KLHL36: variants seen among roughly 807,000 people sequenced by gnomAD.
KLHL36 encodes kelch like family member 36.
In KLHL36, 35 loss-of-function variants were observed where a neutral mutation model predicts 53.3. The ratio of observed to expected loss-of-function variants is 0.66; its 90% CI spans 0.50 to 0.87. The LOEUF (loss-of-function observed/expected upper bound fraction) is 0.87. KLHL36 is among the 40% of genes least tolerant of loss of function. KLHL36 has a pLI of 0.00. For synonymous variants in KLHL36, 472 were observed against 398.9 expected (o/e 1.18, Z -2.18); for missense variants, 864 against 897.6 (o/e 0.96, Z 0.48).
At position 84,661,685 on chromosome 16, in the gene KLHL36, A is replaced by G. The variant is rs746883993; in HGVS notation, c.1403A>G (p.His468Arg). ...PYRKNLLCYD[H>R]RTDVWEERRP... ...CGCAAGAACCTGCTATGCTACGACC[A>G]CCGGACAGACGTGTGGGAGGAGCGG... is the stretch of plus-strand genomic sequence containing the variant. The change falls in exon 5 of 5, where the codon CAC becomes CGC. Residue 468 changes from histidine (H) to arginine (R), a missense_variant. Physicochemically the swap from His to Arg is conservative, Grantham distance 29. Coordinates refer to ENST00000564996, the MANE Select transcript of KLHL36 (RefSeq NM_024731.4). This position sits in a 1 kb window ranked among gnomAD's most constrained non-coding sequence, Gnocchi z 7.9. 1 of 1,613,476 alleles carries G rather than the reference A, an allele frequency of 6.2e-7. No homozygotes were observed. Among genetic ancestry groups the G allele is most frequent in the African/African-American group, 1.3e-5 (1 of 74,972 alleles).
chr16:84,667,235 T>C lies in KLHL36; in HGVS notation c.*5102T>C, dbSNP rs1256980444. ...AGGTACTTAAAGCCATCTTTACAGA[T>C]TGCTTGTAATGTAAGGAAAGAGTCA... On this transcript the variant is annotated 3_prime_UTR_variant, in exon 5 of 5. Transcript: ENST00000564996. The C allele has an allele frequency of 2.0e-5, 3 of 152,098 alleles. No homozygotes were observed. Among genetic ancestry groups the C allele is most frequent in the Non-Finnish European group, 4.4e-5 (3 of 68,022 alleles). The allele number at this position is 152,098 out of a possible 1,614,324, so 9.4% of individuals were successfully genotyped here. A position where few individuals can be genotyped will look rare whatever the true frequency, so the allele number is the denominator to read the frequency against.
rs1906841635 is a variant in KLHL36 at position 84,650,992 on chromosome 16, T to C, written c.63+62T>C. ...CTAAGAAGTGTGATCCTTTTTCTGA[T>C]TCACTCATTTCTAATCACAGACTGA... On this transcript the variant is annotated intron_variant, in intron 2 of 4. Transcript: ENST00000564996. The C allele has an allele frequency of 3.0e-6, 4 of 1,330,494 alleles. No homozygotes were observed. In the South Asian group the frequency reaches 5.1e-5, roughly 17 times the overall value. 82.4% of individuals were successfully genotyped at this position (1,330,494 alleles called of 1,614,324 possible).
At chr16:84,659,422 G>A in intron 3 of KLHL36, 1 of 246,884 alleles carries the variant, frequency 4.1e-6, no homozygotes, top group Non-Finnish European at 7.9e-6. Flanking sequence ...ATTTCATAAA[G>A]CCACTAGATC....
rs746188442 is a variant in KLHL36, at chr16:84,661,965, C to T, written c.1683C>T (p.Phe561=). The T allele has an allele frequency of 9.4e-6, 15 of 1,599,590 alleles. No individual in the cohort carries two copies. Among genetic ancestry groups the T allele is most frequent in the Non-Finnish European group, 1.2e-5 (14 of 1,174,316 alleles). ...LGGYSWENTA[F]SKTVQVYDRE... The stretch of plus-strand genomic sequence containing the variant: ...GCTACAGCTGGGAGAACACTGCCTT[C>T]TCCAAGACCGTGCAGGTGTACGACC... Residue 561 remains phenylalanine, a synonymous_variant, in exon 5 of 5, where the codon TTC becomes TTT. Coordinates refer to ENST00000564996, the MANE Select transcript of KLHL36 (RefSeq NM_024731.4). The surrounding 1 kb of genome is among the most constrained non-coding windows in gnomAD (Gnocchi z 7.9).
chr16:84,655,064 G>C (rs1432836090), intron 2 of KLHL36, among the ~76,000 whole-genome samples: 1 of 152,196 alleles, frequency 6.6e-6, no homozygotes, highest in East Asian at 1.9e-4. Flanking sequence ...GATAAATAGA[G>C]ATCTCCACGT....
chr16:84,661,154 A>C lies in KLHL36; in HGVS notation c.1296-424A>C, dbSNP rs1907520750. Among the ~76,000 whole-genome samples the C allele has an allele frequency of 6.6e-6, 1 of 152,134 alleles. No homozygotes were observed. Among genetic ancestry groups the C allele is most frequent in the African/African-American group, 2.4e-5 (1 of 41,426 alleles). On this transcript the variant is annotated intron_variant, in intron 4 of 4. Coordinates refer to ENST00000564996, the MANE Select transcript of KLHL36 (RefSeq NM_024731.4). The surrounding 1 kb of genome is among the most constrained non-coding windows in gnomAD (Gnocchi z 7.9). ...TTTGCTGTCTCTATGGTTTTAGGCA[A>C]AACTTTTCCCGAGTGCCAGCACAGT...
At chr16:84,659,679 C>A in intron 3 of KLHL36, 81 bp from the exon 4 acceptor site, 1 of 1,407,166 alleles carries the variant, frequency 7.1e-7, no homozygotes. Flanking sequence ...ATTCCGCAGA[C>A]ACATTTGGGA....
Position 84,659,905 on chromosome 16 carries a change from C to T in KLHL36, c.1283C>T (p.Ala428Val). The T allele has an allele frequency of 6.2e-7, 1 of 1,606,130 alleles. No individual in the cohort carries two copies. The highest frequency in any genetic ancestry group is 1.1e-5 in the South Asian group (1 of 90,790). ...SPKTDSWSYV[A>V]GLPRFTYGHA... The stretch of plus-strand genomic sequence containing the variant: ...AAGACTGACTCCTGGTCCTATGTGG[C>T]CGGCTTGCCAAGGTGATCTGGGGCT... Residue 428 changes from alanine to valine, a missense_variant, in exon 4 of 5, where the codon GCC becomes GTC. By Grantham distance (64) the Ala-to-Val change is moderately conservative. Coordinates refer to ENST00000564996, the MANE Select transcript of KLHL36 (RefSeq NM_024731.4).
At chr16:84,659,109 C>G (rs886390320) in intron 3 of KLHL36, 1 of 152,254 alleles carries the variant, frequency 6.6e-6, no homozygotes, top group African/African-American at 2.4e-5. Flanking sequence ...TCAAACAATT[C>G]TGGCGCCTCA....
chr16:84,652,643 C>T (rs896900938), intron 2 of KLHL36, among the ~76,000 whole-genome samples: 1 of 152,148 alleles, frequency 6.6e-6, no homozygotes, highest in Non-Finnish European at 1.5e-5. Context: ...TTGCCAGCAC[C>T]CAGATGGGTA....
rs1906584319 is a variant in KLHL36, at chr16:84,648,531, C to T, written c.-135C>T. ...CCGCCCTCGGCCTCGCACTTCCTGG[C>T]GGAGCCATGGCTGCGCAGCGGGCTG... On this transcript the variant is annotated 5_prime_UTR_variant, in exon 1 of 5. Coordinates refer to ENST00000564996, the MANE Select transcript of KLHL36 (RefSeq NM_024731.4). The surrounding 1 kb of genome is among the most constrained non-coding windows in gnomAD (Gnocchi z 4.9). 8 of 147,562 alleles carry T rather than the reference C, an allele frequency of 5.4e-5. No individual in the cohort carries two copies. In the South Asian group the frequency reaches 1.4e-3, roughly 26 times the overall value. 9.1% of individuals were successfully genotyped at this position (147,562 alleles called of 1,614,324 possible). A position where few individuals can be genotyped will look rare whatever the true frequency, so the allele number is the denominator to read the frequency against.
chr16:84,657,002 C>G lies in KLHL36; in HGVS notation c.195C>G (p.Ala65=). 4 of 1,614,112 alleles carry G rather than the reference C, an allele frequency of 2.5e-6. No individual in the cohort carries two copies. The highest frequency in any genetic ancestry group is 3.4e-6 in the Non-Finnish European group (4 of 1,180,032). Residue 65 remains alanine (A), a synonymous_variant, in exon 3 of 5, where the codon GCC becomes GCG. Coordinates refer to ENST00000564996, the MANE Select transcript of KLHL36 (RefSeq NM_024731.4). ...TGCCAGCCCATCGCAACCTGCTGGCCGTGTGCAGCGACTACTTCAACTCCA... is the reference window on the plus strand; with the variant it reads ...TGCCAGCCCATCGCAACCTGCTGGCGGTGTGCAGCGACTACTTCAACTCCA... ...QRVPAHRNLL[A]VCSDYFNSMF... is the part of the protein sequence containing the mutation.
Position 84,657,470 on chromosome 16 carries a change from G to T in KLHL36, c.663G>T (p.Gln221His). The T allele has an allele frequency of 2.5e-6, 4 of 1,606,770 alleles. No individual in the cohort carries two copies. The Middle Eastern group carries it at 4.9e-4, about 199-fold the overall frequency. Residue 221 changes from glutamine (Q) to histidine (H), a missense_variant, in exon 3 of 5, where the codon CAG becomes CAT. By Grantham distance (24) the Gln-to-His change is conservative. Coordinates refer to ENST00000564996, the MANE Select transcript of KLHL36 (RefSeq NM_024731.4). ...LQAALQWLTQ[Q>H]PEREAHARQV... ...CCGCCCTGCAGTGGCTGACGCAGCA[G>T]CCCGAGCGCGAGGCCCACGCCCGCC... is the stretch of plus-strand genomic sequence containing the variant.
chr16:84,666,409 G>T lies in KLHL36; in HGVS notation c.*4276G>T, dbSNP rs1052683823. On this transcript the variant is annotated 3_prime_UTR_variant, in exon 5 of 5. Coordinates refer to ENST00000564996, the MANE Select transcript of KLHL36 (RefSeq NM_024731.4). ...ATGCAAAGTTGCATGCAGCCCGTGG[G>T]TATGACTGTCTCAGGCCCCCAGCTC... The T allele has an allele frequency of 1.3e-5, 2 of 152,166 alleles. No homozygotes were observed. Among genetic ancestry groups the T allele is most frequent in the Non-Finnish European group, 2.9e-5 (2 of 68,058 alleles). 9.4% of individuals were successfully genotyped at this position (152,166 alleles called of 1,614,324 possible). A position where few individuals can be genotyped will look rare whatever the true frequency, so the allele number is the denominator to read the frequency against.
Position 84,650,943 on chromosome 16 carries a change from T to G in KLHL36, c.63+13T>G. 6.2e-7 allele frequency: 1 copy of G among 1,604,920 alleles called. No homozygotes were observed. The highest frequency in any genetic ancestry group is 1.3e-5 in the African/African-American group (1 of 74,550). ...CGAATCATCAAAGGTCTGTGAATGT[T>G]CACTCACCACCTATGCAAATTGCCT... On this transcript the variant is annotated intron_variant, in intron 2 of 4. Transcript: ENST00000564996.
In KLHL36 at chr16:84,666,323, T is replaced by C. The variant is rs531027944; in HGVS notation, c.*4190T>C. The C allele has an allele frequency of 6.6e-6, 1 of 152,220 alleles. No individual in the cohort carries two copies. Among genetic ancestry groups the C allele is most frequent in the Admixed American group, 6.5e-5 (1 of 15,282 alleles). The allele number at this position is 152,220 out of a possible 1,614,324, so 9.4% of individuals were successfully genotyped here. ...CAGGACCTCGCCTCATGTGGCTTTG[T>C]CTTGGATCTTGCCCTTCTCCATCGC... On this transcript the variant is annotated 3_prime_UTR_variant, in exon 5 of 5. Coordinates refer to ENST00000564996, the MANE Select transcript of KLHL36 (RefSeq NM_024731.4).
chr16:84,657,694 G>A lies in KLHL36; in HGVS notation c.887G>A (p.Arg296His), dbSNP rs773616478. 1.2e-5 allele frequency: 20 copies of A among 1,612,600 alleles called. No homozygotes were observed. The highest frequency in any genetic ancestry group is 4.5e-5 in the East Asian group (2 of 44,876). Residue 296 changes from arginine to histidine, a missense_variant, in exon 3 of 5, where the codon CGC becomes CAC. Coordinates refer to ENST00000564996, the MANE Select transcript of KLHL36 (RefSeq NM_024731.4). ...KRTALRTNQE[R>H]LLFVGGEVSE... ...ACGGCGCTGCGCACCAACCAGGAGC[G>A]CCTGCTGTTTGTGGGCGGCGAGGTC...
At chr16:84,660,605 G>T (rs1907490520) in intron 4 of KLHL36, among the ~76,000 whole-genome samples, 1 of 152,178 alleles carries the variant, frequency 6.6e-6, no homozygotes, top group African/African-American at 2.4e-5. Context: ...AGAGTTAGAA[G>T]TGTGTGGGGT....
intron 2 of KLHL36, among the ~76,000 whole-genome samples, chr16:84,655,693 G>T (rs1219180773): frequency 8.7e-5 from 12 of 137,610 alleles, no homozygotes; most frequent in South Asian, 4.6e-4. Flanking sequence ...AACAGAGTGA[G>T]ACCCTGTCTC....
Sources: gnomAD v4.1 joint callset for allele counts (sites outside exome capture counted in the v4.1 genomes callset) on GRCh38, gnomAD v4.1.1 for gene constraint, Gnocchi (gnomAD v3.1) non-coding constraint, MANE v1.5 for transcripts, NCBI Gene and HGNC (gene_info 2026-07-23, HGNC 2026-07-21) for gene names.